The following GRIA1 variants were observed in gnomAD, a reference collection of about 807,000 sequenced individuals.
GRIA1 encodes glutamate receptor 1.
In GRIA1, 31 loss-of-function variants were observed where a neutral mutation model predicts 99.2. The ratio of observed to expected loss-of-function variants is 0.31; its 90% CI spans 0.23 to 0.42. The LOEUF (loss-of-function observed/expected upper bound fraction) is 0.42. GRIA1 is among the 10% of genes least tolerant of loss of function. GRIA1 has a pLI of 1.00. For synonymous variants in GRIA1, 438 were observed against 432.4 expected, an observed-to-expected ratio of 1.01 and a Z score of -0.16; for missense variants, 782 against 1,157.5, an observed-to-expected ratio of 0.68 and a Z score of 4.71.
rs60245651 is a variant in GRIA1 at position 153,656,383 on chromosome 5, T to TTATATATATATATATATATATA, written c.699+521_699+542dup. On this transcript the variant is annotated intron_variant, in intron 5 of 15. Coordinates refer to ENST00000285900, the MANE Select transcript of GRIA1 (RefSeq NM_000827.4). ...TTCTATATGGCATAGATAAGTTTGT[T>TTATATATATATATATATATATA]TATATATATATATATATATATATAT... Among the ~76,000 whole-genome samples, 445 of 92,082 alleles carry TTATATATATATATATATATATA rather than the reference T, an allele frequency of 4.8e-3. 7 individuals carry two copies. Among genetic ancestry groups the TTATATATATATATATATATATA allele is most frequent in the African/African-American group, 6.4e-3 (149 of 23,450 alleles). The allele number at this position is 92,082 out of a possible 152,430, so 60.4% of individuals were successfully genotyped here.
chr5:153,752,259 C>T (rs571778864), intron 11 of GRIA1, among the ~76,000 whole-genome samples: 8 of 152,190 alleles, frequency 5.3e-5, no homozygotes, highest in African/African-American at 7.2e-5. Context: ...TATCTCCTGG[C>T]GTTCTCCCAC....
intron 11 of GRIA1, among the ~76,000 whole-genome samples, chr5:153,744,901 A>G (rs765401988): frequency 7.2e-5 from 11 of 152,242 alleles, no homozygotes; most frequent in Non-Finnish European, 1.6e-4. Context: ...GTTCAGAGAA[A>G]TGAGAGGTGA....
chr5:153,776,099 A>C (rs186914683), intron 13 of GRIA1, among the ~76,000 whole-genome samples: 87 of 152,260 alleles, frequency 5.7e-4, no homozygotes, highest in African/African-American at 2.0e-3. Flanking sequence ...GCTCCTGGAG[A>C]TTACCCTGGC....
intron 2 of GRIA1, among the ~76,000 whole-genome samples, chr5:153,583,385 T>C (rs1763212188): frequency 6.6e-6 from 1 of 152,200 alleles, no homozygotes; most frequent in South Asian, 2.1e-4. Context: ...CTGTGCTCTC[T>C]CTAAAACCTG....
At chr5:153,653,615 A>G (rs1280538336) in intron 4 of GRIA1, among the ~76,000 whole-genome samples, 1 of 152,188 alleles carries the variant, frequency 6.6e-6, no homozygotes, top group African/African-American at 2.4e-5. Context: ...TATCCATCAC[A>G]TCCCCCTATG....
intron 2 of GRIA1, among the ~76,000 whole-genome samples, chr5:153,548,784 C>G (rs1759844265): frequency 6.6e-6 from 1 of 152,068 alleles, no homozygotes; most frequent in South Asian, 2.1e-4. Flanking sequence ...GCTATATGTC[C>G]CTTTAGACCT....
rs895551123 is a variant in GRIA1 at position 153,736,717 on chromosome 5, T to A, written c.1824-27717T>A. Among the ~76,000 whole-genome samples, 4 of 152,168 alleles carry A rather than the reference T, an allele frequency of 2.6e-5. No individual in the cohort carries two copies. The East Asian group carries it at 7.7e-4, about 29-fold the overall frequency. The stretch of plus-strand genomic sequence containing the variant: ...TGGCTCAAAGTACAATTCCCTAGAG[T>A]GAAATCAGATCGTACCTTTGGGTTC... On this transcript the variant is annotated intron_variant, in intron 11 of 15. Transcript: ENST00000285900.
intron 2 of GRIA1, among the ~76,000 whole-genome samples, chr5:153,626,875 G>C (rs1374425547): frequency 6.6e-6 from 1 of 152,180 alleles, no homozygotes; most frequent in African/African-American, 2.4e-5. Context: ...CGATGGACAA[G>C]GGTCAGGAGA....
intron 2 of GRIA1, among the ~76,000 whole-genome samples, chr5:153,516,595 T>A (rs1005185750): frequency 2.6e-5 from 4 of 152,126 alleles, no homozygotes; most frequent in African/African-American, 9.7e-5. Context: ...GATGCTTCCC[T>A]CCTCTGGGAT....
At chr5:153,738,864 A>G (rs1286740856) in intron 11 of GRIA1, among the ~76,000 whole-genome samples, 1 of 151,718 alleles carries the variant, frequency 6.6e-6, no homozygotes, top group Non-Finnish European at 1.5e-5. Flanking sequence ...CTGGGATTAC[A>G]GGCATGCACC....
chr5:153,549,449 C>G (rs1581213396), intron 2 of GRIA1, among the ~76,000 whole-genome samples: 1 of 152,096 alleles, frequency 6.6e-6, no homozygotes, highest in Admixed American at 6.6e-5. Flanking sequence ...CTCTGAAAAA[C>G]TCAGTACCCA....
At chr5:153,497,713 T>A (rs967368995) in intron 2 of GRIA1, among the ~76,000 whole-genome samples, 1 of 152,294 alleles carries the variant, frequency 6.6e-6, no homozygotes, top group South Asian at 2.1e-4. Flanking sequence ...AAGAATCTCT[T>A]TAATCTAAAA....
At chr5:153,780,527 G>A (rs1434188426) in intron 13 of GRIA1, among the ~76,000 whole-genome samples, 2 of 152,226 alleles carry the variant, frequency 1.3e-5, no homozygotes, top group South Asian at 2.1e-4. Context: ...TTCCATAGTT[G>A]TCAAGTGTGA....
intron 11 of GRIA1, among the ~76,000 whole-genome samples, chr5:153,759,532 A>G (rs1205197480): frequency 4.6e-5 from 7 of 152,060 alleles, no homozygotes; most frequent in South Asian, 4.1e-4. Flanking sequence ...GAAAAGACCA[A>G]TAACAAGCAA....
chr5:153,593,031 C>T (rs1238769595), intron 2 of GRIA1, among the ~76,000 whole-genome samples: 2 of 152,104 alleles, frequency 1.3e-5, no homozygotes, highest in Non-Finnish European at 2.9e-5. Context: ...TTTGGGAGGC[C>T]GAGGTGGGTG....
chr5:153,685,793 G>A (rs910644859), intron 7 of GRIA1, among the ~76,000 whole-genome samples: 1 of 152,186 alleles, frequency 6.6e-6, no homozygotes, highest in Non-Finnish European at 1.5e-5. Flanking sequence ...CATAAAGCTG[G>A]CTTCTTGTCC....
intron 11 of GRIA1, among the ~76,000 whole-genome samples, chr5:153,718,470 T>C (rs1436545036): frequency 6.6e-6 from 1 of 152,168 alleles, no homozygotes; most frequent in Non-Finnish European, 1.5e-5. Flanking sequence ...ATCCCATTAT[T>C]CAGACAAACC....
chr5:153,601,461 C>T (rs1321831592), intron 2 of GRIA1, among the ~76,000 whole-genome samples: 1 of 152,162 alleles, frequency 6.6e-6, no homozygotes, highest in Non-Finnish European at 1.5e-5. Flanking sequence ...TGGTTTCTGA[C>T]CTTTTGCTGG....
chr5:153,598,579 C>T (rs1032188973), intron 2 of GRIA1, among the ~76,000 whole-genome samples: 1 of 152,078 alleles, frequency 6.6e-6, no homozygotes, highest in Non-Finnish European at 1.5e-5. Flanking sequence ...AAGGTGGTCT[C>T]GTGGAGAACT....
Sources: allele counts gnomAD v4.1 joint callset (sites outside exome capture counted in the v4.1 genomes callset), GRCh38; gene constraint gnomAD v4.1.1; transcripts MANE v1.5; gene names NCBI Gene and HGNC (gene_info 2026-07-23, HGNC 2026-07-21).